The following KLF8 variants were observed in gnomAD, a reference collection of about 807,000 sequenced individuals.
The protein encoded by KLF8 is KLF transcription factor 8.
KLF8 carries 10 observed loss-of-function variants against 18.2 expected under a neutral mutation model. The ratio of observed to expected loss-of-function variants is 0.55; its 90% CI spans 0.34 to 0.93. The LOEUF (loss-of-function observed/expected upper bound fraction) is 0.93. Among genes scored for constraint, KLF8 ranks in the 40% least tolerant of loss-of-function variants. KLF8 has a pLI of 0.02. For missense variants in KLF8, 264 were observed against 277.9 expected (o/e 0.95, Z 0.36); for synonymous variants, 109 against 97.3 (o/e 1.12, Z -0.71).
chrX:56,267,114 C>A (rs761633181), intron 3 of KLF8: 1 of 751,449 alleles, frequency 1.3e-6, no homozygotes, highest in South Asian at 6.8e-5. Flanking sequence ...TTTGAAGGAG[C>A]TTTGAATAGT....
At chrX:56,182,275 C>T in the KLF8 span, among the ~76,000 whole-genome samples, 50 of 112,407 alleles carry the variant, frequency 4.4e-4, no homozygotes, top group Non-Finnish European at 8.2e-4. Flanking sequence ...CTTGTGCATT[C>T]GTCACGTAGT....
chrX:56,051,950 TG>T, the KLF8 span, among the ~76,000 whole-genome samples: 4 of 110,455 alleles, frequency 3.6e-5, no homozygotes, highest in African/African-American at 1.3e-4. Context: ...CCATATTTCT[TG>T]GAGGCTTTGC....
chrX:56,065,838 T>G, the KLF8 span, among the ~76,000 whole-genome samples: 1 of 111,989 alleles, frequency 8.9e-6, no homozygotes, highest in Non-Finnish European at 1.9e-5. Context: ...ATTTCTTCAG[T>G]GGTTTATAGT....
the KLF8 span, among the ~76,000 whole-genome samples, chrX:56,095,251 G>A: frequency 1.8e-5 from 2 of 112,103 alleles, no homozygotes; most frequent in African/African-American, 6.5e-5. Flanking sequence ...AATGGTACTG[G>A]GAAAATTAAA....
the KLF8 span, among the ~76,000 whole-genome samples, chrX:55,994,695 G>T: frequency 9.0e-6 from 1 of 111,366 alleles, no homozygotes; most frequent in African/African-American, 3.3e-5. Context: ...TCATTCAGGG[G>T]CATATTGTTT....
chrX:56,045,367 T>A, the KLF8 span, among the ~76,000 whole-genome samples: 14 of 111,766 alleles, frequency 1.3e-4, no homozygotes, highest in African/African-American at 4.6e-4. Context: ...TTTGTCTTGC[T>A]TTGCCTATGA....
rs1397734593 is a variant in KLF8 at position 56,284,447 on chromosome X, C to T, written c.1033C>T (p.Arg345Cys). The change falls in exon 6 of 6, where the codon CGT becomes TGT. Residue 345 changes from arginine (R) to cysteine (C), a missense_variant. Physicochemically the swap from Arg to Cys is radical, Grantham distance 180. Transcript: ENST00000468660. The part of the protein sequence containing the change: ...RCTDCNRSFS[R>C]SDHLSLHRRR... The stretch of plus-strand genomic sequence containing the variant: ...CACAGACTGCAACCGCAGCTTTTCT[C>T]GTTCTGACCACCTGTCCCTGCATCG... 1 of 1,206,393 alleles carries T rather than the reference C, an allele frequency of 8.3e-7. No homozygotes were observed. Among genetic ancestry groups the T allele is most frequent in the Non-Finnish European group, 1.1e-6 (1 of 893,275 alleles).
the KLF8 span, among the ~76,000 whole-genome samples, chrX:56,144,410 C>A: frequency 5.5e-5 from 6 of 109,536 alleles, no homozygotes; most frequent in South Asian, 3.9e-4. Context: ...AAAATATTTG[C>A]AAATCATATA....
At chrX:55,994,972 G>A in the KLF8 span, among the ~76,000 whole-genome samples, 1 of 111,583 alleles carries the variant, frequency 9.0e-6, no homozygotes, top group Non-Finnish European at 1.9e-5. Context: ...ATCTTTGTTA[G>A]CTTTCTAGCT....
the KLF8 span, among the ~76,000 whole-genome samples, chrX:56,166,136 AT>A: frequency 3.3e-3 from 330 of 99,961 alleles, 1 homozygote; most frequent in African/African-American, 7.4e-3. Context: ...TAAGTGCTTT[AT>A]TTTTTTTTTT....
At chrX:56,130,984 G>C in the KLF8 span, among the ~76,000 whole-genome samples, 1 of 111,217 alleles carries the variant, frequency 9.0e-6, no homozygotes, top group Non-Finnish European at 1.9e-5. Context: ...AATGTGCAAA[G>C]CCTCCAAGAA....
the KLF8 span, among the ~76,000 whole-genome samples, chrX:55,918,856 AC>A: frequency 9.0e-6 from 1 of 111,727 alleles, no homozygotes; most frequent in Admixed American, 9.5e-5. Context: ...ATTTGCAAAG[AC>A]TTTATTTTCA....
At chrX:56,065,696 C>A in the KLF8 span, among the ~76,000 whole-genome samples, 1 of 111,445 alleles carries the variant, frequency 9.0e-6, no homozygotes. Flanking sequence ...TTTATTTTCA[C>A]AAAGATGGGT....
At chrX:55,946,092 A>G in the KLF8 span, among the ~76,000 whole-genome samples, 1 of 111,845 alleles carries the variant, frequency 8.9e-6, no homozygotes, top group Non-Finnish European at 1.9e-5. Flanking sequence ...TGCCACCCCC[A>G]TCAAGCTACC....
chrX:56,200,837 T>C, the KLF8 span, among the ~76,000 whole-genome samples: 1,112 of 111,533 alleles, frequency 1.0e-2, 11 homozygotes, highest in African/African-American at 0.035. Flanking sequence ...AAAGAAAACA[T>C]ACAAATAGTC....
chrX:56,068,734 C>T, the KLF8 span, among the ~76,000 whole-genome samples: 1 of 111,427 alleles, frequency 9.0e-6, no homozygotes, highest in African/African-American at 3.3e-5. Flanking sequence ...GCAAGCAATG[C>T]ATGCTAGAGC....
chrX:56,038,924 C>A, the KLF8 span, among the ~76,000 whole-genome samples: 2 of 112,266 alleles, frequency 1.8e-5, no homozygotes, highest in African/African-American at 3.2e-5. Flanking sequence ...GAGATGGTAT[C>A]TCATTGTGGT....
chrX:56,071,703 G>A, the KLF8 span, among the ~76,000 whole-genome samples: 1 of 111,903 alleles, frequency 8.9e-6, no homozygotes, highest in Non-Finnish European at 1.9e-5. Context: ...GAATAAAACA[G>A]TACCTAATTT....
At chrX:55,953,909 TACAA>T in the KLF8 span, among the ~76,000 whole-genome samples, 2 of 107,330 alleles carry the variant, frequency 1.9e-5, no homozygotes, top group Non-Finnish European at 2.0e-5. Flanking sequence ...ACACCAAAAG[TACAA>T]ACAAACAATC....
Sources: allele counts gnomAD v4.1 joint callset (sites outside exome capture counted in the v4.1 genomes callset), GRCh38; gene constraint gnomAD v4.1.1; transcripts MANE v1.5; gene names NCBI Gene and HGNC (gene_info 2026-07-23, HGNC 2026-07-21).